Variants in ZNF385D observed in about 807,000 individuals in gnomAD.
ZNF385D encodes the protein zinc finger protein 659.
Under a neutral mutation model 35.8 loss-of-function variants are expected in ZNF385D, and 15 were observed. The observed-to-expected ratio is 0.42, with a 90% CI of 0.28 to 0.64. The LOEUF is 0.64. Among genes scored for constraint, ZNF385D ranks in the 30% least tolerant of loss-of-function variants. ZNF385D has a pLI of 0.23. For missense variants in ZNF385D, 474 were observed against 494.6 expected, an observed-to-expected ratio of 0.96 and a Z score of 0.39; for synonymous variants, 212 against 186.8, an observed-to-expected ratio of 1.13 and a Z score of -1.10.
At chr3:22,120,843 T>C (rs930336576) in intron 3 of ZNF385D, among the ~76,000 whole-genome samples, 1 of 152,168 alleles carries the variant, frequency 6.6e-6, no homozygotes, top group African/African-American at 2.4e-5. Context: ...AACAAGCCCT[T>C]GAAAAGTATT....
intron 2 of ZNF385D, among the ~76,000 whole-genome samples, chr3:21,625,511 AAC>A (rs1024541751): frequency 2.0e-5 from 3 of 152,104 alleles, no homozygotes; most frequent in African/African-American, 7.2e-5. Context: ...TGGCTATAGA[AAC>A]ACACACATAT....
At chr3:21,669,785 A>G (rs907960068) in intron 1 of ZNF385D, among the ~76,000 whole-genome samples, 1 of 152,200 alleles carries the variant, frequency 6.6e-6, no homozygotes, top group Non-Finnish European at 1.5e-5. Context: ...AAAGCAGTCA[A>G]TCAAGATAAT....
chr3:21,681,976 A>G (rs2066925836), intron 1 of ZNF385D, among the ~76,000 whole-genome samples: 1 of 152,170 alleles, frequency 6.6e-6, no homozygotes, highest in South Asian at 2.1e-4. Context: ...ATGATAGTGA[A>G]AACCATCATG....
At chr3:22,227,253 C>CT (rs979477407) in intron 2 of ZNF385D, among the ~76,000 whole-genome samples, 8 of 152,046 alleles carry the variant, frequency 5.3e-5, no homozygotes, top group African/African-American at 1.9e-4. Flanking sequence ...TTGTTACACT[C>CT]TTTTTTTATG....
At chr3:22,023,602 G>C (rs970513188) in intron 3 of ZNF385D, among the ~76,000 whole-genome samples, 1 of 151,540 alleles carries the variant, frequency 6.6e-6, no homozygotes, top group Non-Finnish European at 1.5e-5. Flanking sequence ...CAAATGGAGA[G>C]AATTTAATCA....
At chr3:21,536,585 A>T (rs1040023743) in intron 3 of ZNF385D, among the ~76,000 whole-genome samples, 1 of 152,120 alleles carries the variant, frequency 6.6e-6, no homozygotes, top group Non-Finnish European at 1.5e-5. Context: ...TTTAATTAGT[A>T]TTTATTAAGC....
At chr3:22,308,973 C>T (rs994735741) in intron 2 of ZNF385D, among the ~76,000 whole-genome samples, 1 of 151,960 alleles carries the variant, frequency 6.6e-6, no homozygotes, top group Non-Finnish European at 1.5e-5. Context: ...GAATCCCTAC[C>T]TTGCTTCTGC....
intron 2 of ZNF385D, among the ~76,000 whole-genome samples, chr3:21,599,859 T>G (rs1249819573): frequency 6.6e-6 from 1 of 152,142 alleles, no homozygotes; most frequent in African/African-American, 2.4e-5. Context: ...GAATATGAGC[T>G]GGGTAAAATG....
At chr3:21,594,753 A>C (rs1010135838) in intron 2 of ZNF385D, among the ~76,000 whole-genome samples, 2 of 152,134 alleles carry the variant, frequency 1.3e-5, no homozygotes, top group Non-Finnish European at 2.9e-5. Context: ...AATAAGTTTA[A>C]TCCTATGTTT....
chr3:21,656,820 T>C (rs1002417500), intron 2 of ZNF385D, among the ~76,000 whole-genome samples: 6 of 151,932 alleles, frequency 3.9e-5, no homozygotes, highest in Non-Finnish European at 2.9e-5. Context: ...AAAAATTAAC[T>C]CTAAAATATT....
intron 3 of ZNF385D, among the ~76,000 whole-genome samples, chr3:21,914,647 T>A (rs1304126999): frequency 6.6e-6 from 1 of 152,046 alleles, no homozygotes; most frequent in Admixed American, 6.6e-5. Flanking sequence ...CATCACTTCA[T>A]TGTACTGGAA....
At chr3:21,767,128 C>G (rs539768713) in intron 3 of ZNF385D, among the ~76,000 whole-genome samples, 72 of 139,878 alleles carry the variant, frequency 5.1e-4, no homozygotes, top group Admixed American at 1.4e-3. Context: ...TAAATTGAAA[C>G]AGAATTTGGT....
chr3:22,140,707 TA>T (rs1279310510), intron 3 of ZNF385D, among the ~76,000 whole-genome samples: 1 of 152,192 alleles, frequency 6.6e-6, no homozygotes, highest in Non-Finnish European at 1.5e-5. Flanking sequence ...CATCTGAAAT[TA>T]TTTCAATAAA....
chr3:21,741,630 T>C (rs1408445348), intron 1 of ZNF385D, among the ~76,000 whole-genome samples: 1 of 64,884 alleles, frequency 1.5e-5, no homozygotes, highest in Non-Finnish European at 2.9e-5. Flanking sequence ...ATATTTTGCC[T>C]TGTTTTTTTT....
intron 3 of ZNF385D, among the ~76,000 whole-genome samples, chr3:21,827,881 GT>G (rs1422502988): frequency 6.6e-6 from 1 of 152,180 alleles, no homozygotes; most frequent in Non-Finnish European, 1.5e-5. Flanking sequence ...TGTAGCATAT[GT>G]TTCTATATTC....
intron 3 of ZNF385D, among the ~76,000 whole-genome samples, chr3:21,912,024 A>G (rs1437103308): frequency 1.3e-5 from 2 of 151,956 alleles, no homozygotes; most frequent in African/African-American, 4.8e-5. Flanking sequence ...ATTATATTTG[A>G]ACTAAACAAA....
chr3:21,928,267 A>AAGGAAGAG (rs780448054), intron 3 of ZNF385D, among the ~76,000 whole-genome samples: 4 of 142,542 alleles, frequency 2.8e-5, no homozygotes, highest in Admixed American at 1.4e-4. Flanking sequence ...AGAAGGAAGG[A>AAGGAAGAG]AGGAAGGAAG....
At chr3:22,309,483 TATAG>T (rs886358832) in intron 2 of ZNF385D, among the ~76,000 whole-genome samples, 2 of 152,070 alleles carry the variant, frequency 1.3e-5, no homozygotes, top group African/African-American at 4.8e-5. Context: ...GTCTCGACTA[TATAG>T]AGAGTATTAA....
At chr3:21,979,848 G>C (rs543983469) in intron 3 of ZNF385D, 2 of 152,152 alleles carry the variant, frequency 1.3e-5, no homozygotes, top group African/African-American at 4.8e-5. Flanking sequence ...CATTAGTCAC[G>C]TATGTTTGCA....
Sources: gnomAD v4.1 joint callset for allele counts (sites outside exome capture counted in the v4.1 genomes callset) on GRCh38, gnomAD v4.1.1 for gene constraint, MANE v1.5 for transcripts, NCBI Gene and HGNC (gene_info 2026-07-23, HGNC 2026-07-21) for gene names.